Variants in TSPAN14 observed in about 807,000 individuals in gnomAD.
TSPAN14 encodes tetraspanin 14, also known as tetraspanin-14.
A neutral mutation model predicts 36.6 loss-of-function variants in TSPAN14; 16 were observed. That is an observed-to-expected ratio of 0.44 (90% CI 0.30 to 0.66). The LOEUF (loss-of-function observed/expected upper bound fraction) is 0.66. Ranked by LOEUF, TSPAN14 falls within the 30% of genes least tolerant of loss-of-function variation. The pLI is 0.12. For missense variants in TSPAN14, 231 were observed against 355.1 expected, an observed-to-expected ratio of 0.65 and a Z score of 2.81; for synonymous variants, 139 against 143.8, an observed-to-expected ratio of 0.97 and a Z score of 0.24.
At chr10:80,504,044 T>G (rs1462093564) in intron 2 of TSPAN14, among the ~76,000 whole-genome samples, 1 of 152,024 alleles carries the variant, frequency 6.6e-6, no homozygotes, top group African/African-American at 2.4e-5. Flanking sequence ...GGGTTGGGGG[T>G]GGTGCTCCTC....
intron 2 of TSPAN14, among the ~76,000 whole-genome samples, chr10:80,493,232 A>G (rs542366057): frequency 5.3e-5 from 8 of 152,360 alleles, no homozygotes; most frequent in South Asian, 4.1e-4. Context: ...TGGGATGGCT[A>G]TTATTTTAAA....
At chr10:80,470,142 A>G (rs867553338) in intron 1 of TSPAN14, among the ~76,000 whole-genome samples, 1 of 152,236 alleles carries the variant, frequency 6.6e-6, no homozygotes, top group Middle Eastern at 3.4e-3. Flanking sequence ...CTGGAGAGCA[A>G]TGGTGCGTTC....
intron 1 of TSPAN14, among the ~76,000 whole-genome samples, chr10:80,471,623 C>G (rs78928583): frequency 1.4e-3 from 211 of 152,320 alleles, no homozygotes; most frequent in African/African-American, 5.0e-3. Context: ...GTGCACTATG[C>G]CTGCTTTGGC....
chr10:80,504,283 C>T (rs1033397654), intron 2 of TSPAN14, among the ~76,000 whole-genome samples: 2 of 152,184 alleles, frequency 1.3e-5, no homozygotes, highest in Non-Finnish European at 2.9e-5. Flanking sequence ...GCTGTTTCCC[C>T]CTGTCCTCAC....
At chr10:80,496,161 A>C (rs60666917) in intron 2 of TSPAN14, among the ~76,000 whole-genome samples, 2 of 152,232 alleles carry the variant, frequency 1.3e-5, no homozygotes, top group African/African-American at 4.8e-5. Flanking sequence ...CGTTAAGTAC[A>C]TTCACATTCA....
chr10:80,500,018 A>G (rs1296687767), intron 2 of TSPAN14, among the ~76,000 whole-genome samples: 1 of 152,198 alleles, frequency 6.6e-6, no homozygotes, highest in Non-Finnish European at 1.5e-5. Context: ...GCCTGGCCCC[A>G]TGGACCATCT....
At chr10:80,505,740 A>AGCACC (rs1037948156) in intron 3 of TSPAN14, among the ~76,000 whole-genome samples, 15 of 152,318 alleles carry the variant, frequency 9.8e-5, no homozygotes, top group African/African-American at 3.6e-4. Flanking sequence ...TGTGCCTCAC[A>AGCACC]GCACCACCGT....
chr10:80,458,731 A>G (rs1389593690), intron 1 of TSPAN14, among the ~76,000 whole-genome samples: 2 of 152,200 alleles, frequency 1.3e-5, no homozygotes, highest in Non-Finnish European at 1.5e-5. Flanking sequence ...GAGGTTATTC[A>G]TAATATCTCC....
At chr10:80,495,334 A>G (rs972802076) in intron 2 of TSPAN14, among the ~76,000 whole-genome samples, 2 of 133,212 alleles carry the variant, frequency 1.5e-5, no homozygotes, top group Non-Finnish European at 3.2e-5. Flanking sequence ...GTCTTTTGGC[A>G]CTGTGTGTGT....
chr10:80,472,863 T>C (rs1287453195), intron 1 of TSPAN14, among the ~76,000 whole-genome samples: 1 of 152,244 alleles, frequency 6.6e-6, no homozygotes, highest in African/African-American at 2.4e-5. Flanking sequence ...CTGCTGTGAA[T>C]GACAGCTCTT....
chr10:80,504,432 G>A (rs185418529), intron 2 of TSPAN14, among the ~76,000 whole-genome samples: 1 of 152,342 alleles, frequency 6.6e-6, no homozygotes, highest in Admixed American at 6.5e-5. Flanking sequence ...TGCAGAAAGG[G>A]GAAGAAGCAG....
intron 1 of TSPAN14, among the ~76,000 whole-genome samples, chr10:80,472,659 A>C (rs937760814): frequency 1.3e-5 from 2 of 152,218 alleles, no homozygotes; most frequent in Admixed American, 6.5e-5. Context: ...TCATTTAACT[A>C]TACAGAACTG....
At chr10:80,461,516 G>C (rs1378826924) in intron 1 of TSPAN14, among the ~76,000 whole-genome samples, 1 of 152,166 alleles carries the variant, frequency 6.6e-6, no homozygotes, top group African/African-American at 2.4e-5. Flanking sequence ...CAGAGTTGGT[G>C]GTAGTGGTGG....
chr10:80,512,023 G>C (rs556874418), intron 5 of TSPAN14, 121 bp from the exon 6 acceptor site: 2 of 1,498,208 alleles, frequency 1.3e-6, no homozygotes, highest in African/African-American at 2.8e-5. Context: ...GGCGGGCCTT[G>C]ATTTCTCTGC....
chr10:80,511,750 CT>C lies in TSPAN14; in HGVS notation c.451-393del, dbSNP rs1564745207. On this transcript the variant is annotated intron_variant, in intron 5 of 8. Transcript: ENST00000429989. ...TCTCTCTCTCTCTCTCTCTCTCTCT[CT>C]CTCTCTCTCTCTCTCTCTCTCCCCT... is the stretch of plus-strand genomic sequence containing the variant. Among the ~76,000 whole-genome samples, 49 of 142,994 alleles carry C rather than the reference CT, an allele frequency of 3.4e-4. 1 individual carries two copies. Among genetic ancestry groups the C allele is most frequent in the African/African-American group, 1.3e-3 (49 of 38,984 alleles). The allele number at this position is 142,994 out of a possible 152,430, so 93.8% of individuals were successfully genotyped here. A position where few individuals can be genotyped will look rare whatever the true frequency, so the allele number is the denominator to read the frequency against.
At chr10:80,486,118 C>G (rs1847582459) in intron 1 of TSPAN14, among the ~76,000 whole-genome samples, 1 of 152,208 alleles carries the variant, frequency 6.6e-6, no homozygotes, top group South Asian at 2.1e-4. Flanking sequence ...GTGAGAGTCT[C>G]TGACGGGTGT....
chr10:80,517,537 G>A (rs1407554345), intron 8 of TSPAN14, among the ~76,000 whole-genome samples: 1 of 152,222 alleles, frequency 6.6e-6, no homozygotes, highest in Non-Finnish European at 1.5e-5. Flanking sequence ...ATTATTTTGG[G>A]AATGAGAACC....
chr10:80,507,715 A>T (rs1840372304), intron 4 of TSPAN14, among the ~76,000 whole-genome samples: 1 of 152,248 alleles, frequency 6.6e-6, no homozygotes. Flanking sequence ...GGCTAAGATC[A>T]AAAGATGTTG....
At chr10:80,472,527 T>C (rs1846611805) in intron 1 of TSPAN14, among the ~76,000 whole-genome samples, 2 of 152,238 alleles carry the variant, frequency 1.3e-5, no homozygotes, top group South Asian at 2.1e-4. Flanking sequence ...AAATACAGTA[T>C]GCTATTTCAC....
Sources: gnomAD v4.1 joint callset for allele counts (sites outside exome capture counted in the v4.1 genomes callset) on GRCh38, gnomAD v4.1.1 for gene constraint, MANE v1.5 for transcripts, NCBI Gene and HGNC (gene_info 2026-07-23, HGNC 2026-07-21) for gene names.